The following RAB10 variants were observed in gnomAD, a reference collection of about 807,000 sequenced individuals.
RAB10 encodes the protein RAB10, member RAS oncogene family.
A neutral mutation model predicts 25.7 loss-of-function variants in RAB10; 5 were observed. That is an observed-to-expected ratio of 0.19 (90% CI 0.10 to 0.41). The LOEUF is 0.41. RAB10 is among the 10% of genes least tolerant of loss of function. RAB10 has a pLI of 1.00. For missense variants in RAB10, 103 were observed against 245.8 expected, an observed-to-expected ratio of 0.42 and a Z score of 3.89; for synonymous variants, 89 against 86.4, an observed-to-expected ratio of 1.03 and a Z score of -0.16.
intron 1 of RAB10, among the ~76,000 whole-genome samples, chr2:26,061,552 TA>T (rs538080988): frequency 3.3e-5 from 5 of 151,858 alleles, no homozygotes; most frequent in Non-Finnish European, 4.4e-5. Context: ...CCTGACTAAT[TA>T]AAAAAAATTT....
At chr2:26,130,370 G>A (rs1167593298) in intron 5 of RAB10, among the ~76,000 whole-genome samples, 2 of 151,708 alleles carry the variant, frequency 1.3e-5, no homozygotes, top group Non-Finnish European at 1.5e-5. Flanking sequence ...TGTAGTGGCT[G>A]TTGGCAAGTG....
intron 1 of RAB10, among the ~76,000 whole-genome samples, chr2:26,040,338 G>C (rs1418332670): frequency 1.3e-5 from 2 of 151,912 alleles, no homozygotes; most frequent in Non-Finnish European, 2.9e-5. Flanking sequence ...AAAATCTAGA[G>C]CATTCTCTAT....
At chr2:26,046,048 G>A (rs909827586) in intron 1 of RAB10, among the ~76,000 whole-genome samples, 6 of 152,304 alleles carry the variant, frequency 3.9e-5, no homozygotes, top group African/African-American at 7.2e-5. Context: ...TTTGAGGCCC[G>A]GTGCGGTGGC....
intron 1 of RAB10, among the ~76,000 whole-genome samples, chr2:26,087,192 C>T (rs1667005973): frequency 6.6e-6 from 1 of 152,046 alleles, no homozygotes; most frequent in Non-Finnish European, 1.5e-5. Flanking sequence ...TGGTATGAAT[C>T]AGACATGGTA....
Position 26,085,249 on chromosome 2 carries a change from GA to G in RAB10, c.128-13412del, listed in dbSNP as rs771787757. 2.0e-5 allele frequency among the ~76,000 whole-genome samples: 3 copies of G among 152,266 alleles called. No homozygotes were observed. The East Asian group carries it at 5.8e-4, about 29-fold the overall frequency. ...CACGCCTGTAATCCCAGCACTTTGG[GA>G]GGCAGAGGCGGGTGGATCACTTGAG... On this transcript the variant is annotated intron_variant, in intron 1 of 5. Coordinates refer to ENST00000264710, the MANE Select transcript of RAB10 (RefSeq NM_016131.5).
chr2:26,114,379 G>A (rs1667639841), intron 3 of RAB10, among the ~76,000 whole-genome samples: 1 of 152,128 alleles, frequency 6.6e-6, no homozygotes, highest in South Asian at 2.1e-4. Context: ...CTGTGATACT[G>A]ACATAAGGAT....
In RAB10 at chr2:26,084,537, G is replaced by A. The variant is rs536109359; in HGVS notation, c.128-14125G>A. 4.3e-4 allele frequency among the ~76,000 whole-genome samples: 66 copies of A among 152,264 alleles called. 2 individuals are homozygous for A. The South Asian group carries it at 0.013, about 29-fold the overall frequency. The stretch of plus-strand genomic sequence containing the variant: ...TACACCATGTTTTGGTACATGGTAC[G>A]TGTTTTTGGTACATGGTATACCAAG... On this transcript the variant is annotated intron_variant, in intron 1 of 5. Transcript: ENST00000264710.
intron 1 of RAB10, among the ~76,000 whole-genome samples, chr2:26,080,903 A>C (rs143465283): frequency 2.5e-4 from 38 of 152,322 alleles, no homozygotes; most frequent in African/African-American, 8.7e-4. Flanking sequence ...TAGCACTAGT[A>C]ATAAGACCTG....
chr2:26,074,712 C>T (rs906700090), intron 1 of RAB10, among the ~76,000 whole-genome samples: 3 of 152,228 alleles, frequency 2.0e-5, no homozygotes, highest in African/African-American at 7.2e-5. Flanking sequence ...AGCCACTGCA[C>T]CTGGCCTTTA....
chr2:26,110,505 A>G (rs1303676499), intron 3 of RAB10, among the ~76,000 whole-genome samples: 1 of 152,062 alleles, frequency 6.6e-6, no homozygotes, highest in African/African-American at 2.4e-5. Flanking sequence ...TTTTACAATG[A>G]TTTTCTGGAA....
chr2:26,073,583 G>A (rs1236681130), intron 1 of RAB10, among the ~76,000 whole-genome samples: 1 of 152,152 alleles, frequency 6.6e-6, no homozygotes, highest in Non-Finnish European at 1.5e-5. Context: ...CAGCTTGCAA[G>A]GGAGTCTGGG....
chr2:26,036,592 G>A (rs1407788353), intron 1 of RAB10, among the ~76,000 whole-genome samples: 1 of 151,832 alleles, frequency 6.6e-6, no homozygotes, highest in Non-Finnish European at 1.5e-5. Flanking sequence ...CTGGGAGGCG[G>A]AGGTTGCAGT....
intron 2 of RAB10, among the ~76,000 whole-genome samples, chr2:26,109,381 C>A (rs769332398): frequency 6.6e-6 from 1 of 152,108 alleles, no homozygotes; most frequent in Non-Finnish European, 1.5e-5. Flanking sequence ...ATTTACATTT[C>A]TGTCTTATTA....
chr2:26,109,523 TAAATA>T (rs1211561123), intron 2 of RAB10, among the ~76,000 whole-genome samples: 1 of 152,222 alleles, frequency 6.6e-6, no homozygotes, highest in Non-Finnish European at 1.5e-5. Flanking sequence ...ACTAAATTAT[TAAATA>T]AAATGAAATT....
chr2:26,035,034 AC>A (rs1665734545), intron 1 of RAB10, among the ~76,000 whole-genome samples: 1 of 151,906 alleles, frequency 6.6e-6, no homozygotes, highest in African/African-American at 2.4e-5. Flanking sequence ...GGCTTTTTCC[AC>A]ATTTGCGTGG....
intron 3 of RAB10, among the ~76,000 whole-genome samples, chr2:26,113,528 C>T (rs1275339165): frequency 3.3e-5 from 5 of 151,852 alleles, no homozygotes; most frequent in Admixed American, 6.6e-5. Context: ...AAGCCAAGAT[C>T]GTGCCATTGT....
chr2:26,104,737 ATTTTTTTT>A (rs35749938), intron 2 of RAB10, among the ~76,000 whole-genome samples: 1 of 133,372 alleles, frequency 7.5e-6, no homozygotes, highest in Non-Finnish European at 1.6e-5. Context: ...TTTTGAGGTA[ATTTTTTTT>A]TTTTTTTTTT....
At chr2:26,051,143 G>T (rs115530500) in intron 1 of RAB10, among the ~76,000 whole-genome samples, 126 of 151,780 alleles carry the variant, frequency 8.3e-4, no homozygotes, top group African/African-American at 2.9e-3. Context: ...TCACTATGTT[G>T]TCCAGGCTGA....
intron 2 of RAB10, among the ~76,000 whole-genome samples, chr2:26,104,854 C>A (rs1326849589): frequency 1.3e-5 from 2 of 151,588 alleles, no homozygotes; most frequent in Admixed American, 1.3e-4. Flanking sequence ...TCTCCTGTCT[C>A]AGCCTCCTGA....
Sources: gnomAD v4.1 joint callset for allele counts (sites outside exome capture counted in the v4.1 genomes callset) on GRCh38, gnomAD v4.1.1 for gene constraint, MANE v1.5 for transcripts, NCBI Gene and HGNC (gene_info 2026-07-23, HGNC 2026-07-21) for gene names.